Variants in DNAJC10 observed in about 807,000 individuals in gnomAD.
The protein encoded by DNAJC10 is endoplasmic reticulum disulfide reductase DNAJC10.
In DNAJC10, 101 loss-of-function variants were observed where a neutral mutation model predicts 115.0. The observed-to-expected ratio is 0.88, with a 90% CI of 0.75 to 1.04. The LOEUF (loss-of-function observed/expected upper bound fraction) is 1.04. Among genes scored for constraint, DNAJC10 ranks in the 50% least tolerant of loss-of-function variants. The pLI, the probability that DNAJC10 is intolerant of heterozygous loss-of-function variation, is 0.00. For missense variants in DNAJC10, 981 were observed against 928.8 expected (o/e 1.06, Z -0.73); for synonymous variants, 307 against 301.5 (o/e 1.02, Z -0.19).
Position 182,750,491 on chromosome 2 carries a change from A to T in DNAJC10, c.1307-1167A>T, listed in dbSNP as rs575639041. 8.5e-4 allele frequency among the ~76,000 whole-genome samples: 130 copies of T among 152,314 alleles called. 1 individual carries two copies. The highest frequency in any genetic ancestry group is 6.8e-3 in the Middle Eastern group (2 of 294). On this transcript the variant is annotated intron_variant, in intron 14 of 23. Coordinates refer to ENST00000264065, the MANE Select transcript of DNAJC10 (RefSeq NM_018981.4). The stretch of plus-strand genomic sequence containing the variant: ...TTGGTGAGAAAAGGAGCAGGTTTGG[A>T]GGAAAATAACACAGCCTCAATTTGA...
chr2:182,769,410 C>T (rs920873966), intron 22 of DNAJC10, among the ~76,000 whole-genome samples: 1 of 152,190 alleles, frequency 6.6e-6, no homozygotes, highest in Non-Finnish European at 1.5e-5. Flanking sequence ...CACTGTCTTA[C>T]ACAATGGTTG....
intron 8 of DNAJC10, chr2:182,730,658 C>T: frequency 2.5e-6 from 1 of 397,710 alleles, no homozygotes; most frequent in Non-Finnish European, 4.9e-6. Flanking sequence ...CTTAGGAGAT[C>T]ACTGTGTATT....
At chr2:182,730,666 A>G (rs1216113656) in intron 8 of DNAJC10, 2 of 378,902 alleles carry the variant, frequency 5.3e-6, no homozygotes, top group Admixed American at 3.5e-5. Flanking sequence ...ATCACTGTGT[A>G]TTTGGGGAAC....
At chr2:182,739,597 T>C (rs937633265) in intron 11 of DNAJC10, 1 of 1,191,884 alleles carries the variant, frequency 8.4e-7, no homozygotes, top group South Asian at 1.7e-5. Flanking sequence ...TATGACAAAA[T>C]ATGCTGAGGA....
At position 182,743,659 on chromosome 2, in the gene DNAJC10, C is replaced by A. The variant is rs762911899; in HGVS notation, c.1253C>A (p.Pro418Gln). The change falls in exon 14 of 24, where the codon CCG (proline) becomes CAG (glutamine). Residue 418 changes from proline (P) to glutamine (Q), a missense_variant. Physicochemically the swap from Pro to Gln is moderately conservative, Grantham distance 76. Transcript: ENST00000264065. The part of the protein sequence containing the change: ...DICSNLYVFQ[P>Q]SLAVFKGQGT... ...TGTAGTAATCTGTATGTTTTTCAGC[C>A]GTCTCTAGCAGTATTTAAAGGACAA... is the stretch of plus-strand genomic sequence containing the variant. 6.2e-7 allele frequency: 1 copy of A among 1,613,314 alleles called. No homozygotes were observed. Among genetic ancestry groups the A allele is most frequent in the Middle Eastern group, 1.7e-4 (1 of 6,060 alleles).
chr2:182,742,660 T>G (rs977281476), intron 13 of DNAJC10, among the ~76,000 whole-genome samples: 1 of 152,156 alleles, frequency 6.6e-6, no homozygotes, highest in Non-Finnish European at 1.5e-5. Flanking sequence ...TCTTCACAAT[T>G]CCGATAGGCC....
At chr2:182,766,231 G>A (rs146388345) in intron 22 of DNAJC10, among the ~76,000 whole-genome samples, 5 of 152,116 alleles carry the variant, frequency 3.3e-5, no homozygotes, top group African/African-American at 1.2e-4. Context: ...AGCTGGACTC[G>A]CAAAAAAGCA....
At chr2:182,759,395 T>G in intron 21 of DNAJC10, 88 bp downstream of exon 21, 1 of 1,336,820 alleles carries the variant, frequency 7.5e-7, no homozygotes, top group Non-Finnish European at 1.0e-6. Flanking sequence ...TTTTTAGGTT[T>G]TTTTCTTAAA....
chr2:182,741,390 G>A, intron 13 of DNAJC10, 34 bp downstream of exon 13: 5 of 1,104,062 alleles, frequency 4.5e-6, no homozygotes, highest in Admixed American at 2.6e-5. Flanking sequence ...GCCTTCTGCT[G>A]GTGTACTTTG....
intron 7 of DNAJC10, 129 bp downstream of exon 7, chr2:182,729,123 T>G: frequency 1.1e-6 from 1 of 901,308 alleles, no homozygotes. Flanking sequence ...ATCTCACTAG[T>G]CTTCTGTAAT....
chr2:182,771,971 C>T (rs1182083907), intron 22 of DNAJC10, among the ~76,000 whole-genome samples: 2 of 152,208 alleles, frequency 1.3e-5, no homozygotes, highest in Non-Finnish European at 2.9e-5. Context: ...CTATAAATTT[C>T]CCTCTAAACA....
In DNAJC10 at chr2:182,736,320, A is replaced by C; in HGVS notation, c.921A>C (p.Thr307=). ...ACCTTTGTAAAAGCTTAGATATTAC[A>C]ACAAGTACTACTGCTTATTTTCCTC... ...QDNLCKSLDI[T]TSTTAYFPPG... Residue 307 remains threonine (T), a synonymous_variant, in exon 11 of 24, where the codon ACA becomes ACC. Coordinates refer to ENST00000264065, the MANE Select transcript of DNAJC10 (RefSeq NM_018981.4). 6.3e-7 allele frequency: 1 copy of C among 1,597,180 alleles called. No homozygotes were observed. Among genetic ancestry groups the C allele is most frequent in the East Asian group, 2.3e-5 (1 of 43,268 alleles).
In DNAJC10 at chr2:182,728,608, G is replaced by GT; in HGVS notation, c.452dup (p.Asn152LysfsTer12). 1.9e-6 allele frequency: 3 copies of GT among 1,612,444 alleles called. No individual in the cohort carries two copies. Among genetic ancestry groups the GT allele is most frequent in the Non-Finnish European group, 2.5e-6 (3 of 1,179,136 alleles). On this transcript the variant is annotated frameshift_variant, in exon 6 of 24. Coordinates refer to ENST00000264065, the MANE Select transcript of DNAJC10 (RefSeq NM_018981.4). LOFTEE classifies it high-confidence loss of function. ...TGTTAATTCTGGAGAACTGTGGTTTGTAAATTTTTACTCCCCAGGCTGTTC... is the reference window on the plus strand; with the variant it reads ...TGTTAATTCTGGAGAACTGTGGTTTGTTAAATTTTTACTCCCCAGGCTGTTC...
In DNAJC10 at chr2:182,783,078, CCAT is replaced by C. The variant is rs1177242365; in HGVS notation, c.*5950_*5952del. 1 of 152,020 alleles carries C rather than the reference CCAT, an allele frequency of 6.6e-6. No individual in the cohort carries two copies. The highest frequency in any genetic ancestry group is 6.6e-5 in the Admixed American group (1 of 15,240). The allele number at this position is 152,020 out of a possible 1,614,324, so 9.4% of individuals were successfully genotyped here. A position where few individuals can be genotyped will look rare whatever the true frequency, so the allele number is the denominator to read the frequency against. On this transcript the variant is annotated 3_prime_UTR_variant, in exon 24 of 24. Coordinates refer to ENST00000264065, the MANE Select transcript of DNAJC10 (RefSeq NM_018981.4). ...AGCTCTTATTATTTTGAGATATGTT[CCAT>C]CATATCTAGTTTTTTGAGTGTTTTT...
chr2:182,734,157 T>C (rs1269703307), intron 10 of DNAJC10, among the ~76,000 whole-genome samples: 1 of 151,266 alleles, frequency 6.6e-6, no homozygotes, highest in Non-Finnish European at 1.5e-5. Flanking sequence ...CCTCTACTTT[T>C]TTATGATTTA....
At chr2:182,774,869 A>C (rs1694663403) in intron 22 of DNAJC10, among the ~76,000 whole-genome samples, 1 of 152,116 alleles carries the variant, frequency 6.6e-6, no homozygotes, top group Non-Finnish European at 1.5e-5. Context: ...GGCTGCACCC[A>C]CTGTCCAACC....
chr2:182,724,596 T>G (rs374786916), intron 5 of DNAJC10, among the ~76,000 whole-genome samples: 1 of 152,164 alleles, frequency 6.6e-6, no homozygotes. Flanking sequence ...ACATTTCAAG[T>G]ATAAGATAGA....
intron 9 of DNAJC10, among the ~76,000 whole-genome samples, 182 bp downstream of exon 9, chr2:182,731,289 T>C (rs1032749543): frequency 2.0e-5 from 3 of 152,118 alleles, no homozygotes; most frequent in African/African-American, 7.2e-5. Context: ...GAGGTTATTA[T>C]TCATTTTTTA....
rs749511149 is a variant in DNAJC10 at position 182,779,657 on chromosome 2, C to CT, written c.*2531dup. 4 of 152,160 alleles carry CT rather than the reference C, an allele frequency of 2.6e-5. No individual in the cohort carries two copies. The South Asian group carries it at 8.3e-4, about 32-fold the overall frequency. The allele number at this position is 152,160 out of a possible 1,614,324, so 9.4% of individuals were successfully genotyped here. A position where few individuals can be genotyped will look rare whatever the true frequency, so the allele number is the denominator to read the frequency against. ...CAAATTTTATTTAGGTCTTTCATAGCTTTTTTATTTAAAGGTATATGATTA... is the reference window on the plus strand; with the variant it reads ...CAAATTTTATTTAGGTCTTTCATAGCTTTTTTTATTTAAAGGTATATGATTA... On this transcript the variant is annotated 3_prime_UTR_variant, in exon 24 of 24. Transcript: ENST00000264065.
Sources: allele counts gnomAD v4.1 joint callset (sites outside exome capture counted in the v4.1 genomes callset), GRCh38; gene constraint gnomAD v4.1.1; transcripts MANE v1.5; gene names NCBI Gene and HGNC (gene_info 2026-07-23, HGNC 2026-07-21).